SLC44A3: variants seen among roughly 807,000 people sequenced by gnomAD.
SLC44A3 encodes choline transporter-like protein 3.
In SLC44A3, 74 loss-of-function variants were observed where a neutral mutation model predicts 75.4. The ratio of observed to expected loss-of-function variants is 0.98; its 90% CI spans 0.81 to 1.19. The LOEUF is 1.19. Ranked by LOEUF, SLC44A3 falls within the 50% of genes most tolerant of loss-of-function variation. SLC44A3 has a pLI of 0.00. For synonymous variants in SLC44A3, 310 were observed against 296.9 expected, an observed-to-expected ratio of 1.04 and a Z score of -0.45; for missense variants, 700 against 778.6, an observed-to-expected ratio of 0.90 and a Z score of 1.20.
chr1:94,866,495 A>G (rs1284014049), intron 11 of SLC44A3, among the ~76,000 whole-genome samples: 1 of 152,180 alleles, frequency 6.6e-6, no homozygotes, highest in African/African-American at 2.4e-5. Context: ...TTACTGCCCC[A>G]CACTGTGTCT....
At chr1:94,862,857 G>T (rs1311276423) in intron 10 of SLC44A3, among the ~76,000 whole-genome samples, 3 of 152,138 alleles carry the variant, frequency 2.0e-5, no homozygotes, top group Non-Finnish European at 4.4e-5. Context: ...CTTAAAATAT[G>T]AATAAGTCCA....
intron 4 of SLC44A3, among the ~76,000 whole-genome samples, chr1:94,827,911 G>C (rs12569348): frequency 4.6e-5 from 7 of 151,940 alleles, no homozygotes; most frequent in Non-Finnish European, 8.8e-5. Flanking sequence ...CAGAGAGAGA[G>C]AGGAGACAGC....
Position 94,857,429 on chromosome 1 carries a change from G to C in SLC44A3, c.1167G>C (p.Trp389Cys). ...CGTACCATTTAATTGGCCTCATCTG[G>C]ACTAGTGAATTCATCCTTGCGTGCC... ...MWSYHLIGLI[W>C]TSEFILACQQ... The change falls in exon 10 of 15, where the codon TGG becomes TGC. Residue 389 changes from tryptophan (W) to cysteine (C), a missense_variant. By Grantham distance (215) the Trp-to-Cys change is radical. Coordinates refer to ENST00000271227, the MANE Select transcript of SLC44A3 (RefSeq NM_001114106.3). 1 of 1,614,088 alleles carries C rather than the reference G, an allele frequency of 6.2e-7. No individual in the cohort carries two copies. The highest frequency in any genetic ancestry group is 8.5e-7 in the Non-Finnish European group (1 of 1,179,994).
intron 5 of SLC44A3, among the ~76,000 whole-genome samples, chr1:94,830,798 C>T (rs1321418264): frequency 6.6e-6 from 1 of 152,138 alleles, no homozygotes; most frequent in Non-Finnish European, 1.5e-5. Flanking sequence ...AAACTCTCTT[C>T]TTACTATAAA....
chr1:94,845,527 C>A, intron 9 of SLC44A3, 63 bp downstream of exon 9: 1 of 1,480,876 alleles, frequency 6.8e-7, no homozygotes, highest in Non-Finnish European at 9.0e-7. Flanking sequence ...CATTTTGGAA[C>A]CACTGGCCTG....
chr1:94,844,216 T>C (rs698964), intron 8 of SLC44A3, among the ~76,000 whole-genome samples: 101,398 of 152,064 alleles, frequency 0.67, 33,924 homozygotes, highest in South Asian at 0.72. Flanking sequence ...TTGGAAAGTC[T>C]AGAAAAATTA....
intron 10 of SLC44A3, among the ~76,000 whole-genome samples, chr1:94,858,673 GTGTTTGTTTGTT>G (rs59998353): frequency 4.7e-5 from 7 of 149,792 alleles, no homozygotes; most frequent in African/African-American, 1.2e-4. Flanking sequence ...GCACTGTCGG[GTGTTTGTTTGTT>G]TGTTTGTTTG....
chr1:94,847,065 A>T (rs1301816378), intron 9 of SLC44A3, among the ~76,000 whole-genome samples: 1 of 152,268 alleles, frequency 6.6e-6, no homozygotes, highest in Non-Finnish European at 1.5e-5. Context: ...GCCTGCAGTG[A>T]ACTTCTGATA....
chr1:94,830,810 G>T (rs1438887570), intron 5 of SLC44A3, among the ~76,000 whole-genome samples: 2 of 152,142 alleles, frequency 1.3e-5, no homozygotes, highest in Non-Finnish European at 2.9e-5. Context: ...TACTATAAAT[G>T]GGATGGCAAC....
intron 12 of SLC44A3, among the ~76,000 whole-genome samples, chr1:94,868,837 G>A (rs368292752): frequency 5.3e-5 from 8 of 152,208 alleles, no homozygotes; most frequent in African/African-American, 9.7e-5. Flanking sequence ...ACTGTACTAC[G>A]GGAATTCAGG....
At chr1:94,875,894 T>G (rs1233458003) in intron 12 of SLC44A3, among the ~76,000 whole-genome samples, 1 of 152,208 alleles carries the variant, frequency 6.6e-6, no homozygotes, top group Non-Finnish European at 1.5e-5. Context: ...ACACTGGAAA[T>G]ATGCTGAGGG....
chr1:94,870,638 C>A (rs963161076), intron 12 of SLC44A3, among the ~76,000 whole-genome samples: 1 of 152,170 alleles, frequency 6.6e-6, no homozygotes, highest in Admixed American at 6.5e-5. Flanking sequence ...GTATGCTGAG[C>A]ACTTTTCCTG....
intron 3 of SLC44A3, chr1:94,825,825 AC>A: frequency 2.2e-6 from 1 of 456,168 alleles, no homozygotes; most frequent in South Asian, 1.5e-5. Context: ...TTTCTCCTGC[AC>A]TCATAGAGCC....
intron 12 of SLC44A3, among the ~76,000 whole-genome samples, chr1:94,873,631 C>T (rs985451008): frequency 2.0e-5 from 3 of 152,134 alleles, no homozygotes; most frequent in South Asian, 2.1e-4. Context: ...TCTCTTCCCC[C>T]GCCCCTTTCC....
intron 6 of SLC44A3, among the ~76,000 whole-genome samples, chr1:94,839,492 G>A (rs572827905): frequency 3.9e-5 from 6 of 152,070 alleles, no homozygotes; most frequent in South Asian, 2.1e-4. Context: ...GGGTTCAAGC[G>A]ATTCTTGTAC....
At chr1:94,848,631 A>G (rs961757982) in intron 9 of SLC44A3, among the ~76,000 whole-genome samples, 8 of 152,122 alleles carry the variant, frequency 5.3e-5, no homozygotes, top group African/African-American at 1.7e-4. Flanking sequence ...AATTTAATTC[A>G]GAAGTATTTG....
chr1:94,875,330 A>T (rs1193792438), intron 12 of SLC44A3, among the ~76,000 whole-genome samples: 4 of 152,188 alleles, frequency 2.6e-5, no homozygotes, highest in African/African-American at 9.7e-5. Context: ...CCAGTCCACT[A>T]GGGCACTCCT....
intron 12 of SLC44A3, among the ~76,000 whole-genome samples, chr1:94,880,442 A>G (rs918804114): frequency 2.0e-5 from 3 of 152,234 alleles, no homozygotes; most frequent in Non-Finnish European, 4.4e-5. Flanking sequence ...GCCAGTCACA[A>G]AAGGACGAAT....
At chr1:94,850,402 G>T (rs2101150994) in intron 9 of SLC44A3, among the ~76,000 whole-genome samples, 1 of 152,256 alleles carries the variant, frequency 6.6e-6, no homozygotes, top group Admixed American at 6.5e-5. Flanking sequence ...TCATTAAGGT[G>T]GTCTGGAAGC....
Sources: gnomAD v4.1 joint callset for allele counts (sites outside exome capture counted in the v4.1 genomes callset) on GRCh38, gnomAD v4.1.1 for gene constraint, MANE v1.5 for transcripts, NCBI Gene and HGNC (gene_info 2026-07-23, HGNC 2026-07-21) for gene names.